Variants in GALC observed in about 807,000 individuals in gnomAD.
The protein encoded by GALC is galactosylceramidase.
GALC carries 77 observed loss-of-function variants against 91.8 expected under a neutral mutation model. The ratio of observed to expected loss-of-function variants is 0.84; its 90% CI spans 0.70 to 1.01. The LOEUF is 1.01. Ranked by LOEUF, GALC falls within the 50% of genes least tolerant of loss-of-function variation. The pLI is 0.00. For synonymous variants in GALC, 357 were observed against 306.7 expected (o/e 1.16, Z -1.71); for missense variants, 882 against 855.9 (o/e 1.03, Z -0.38).
intron 6 of GALC, among the ~76,000 whole-genome samples, chr14:87,977,032 TGGG>T (rs146514962): frequency 0.17 from 16,637 of 95,928 alleles, 1,416 homozygotes; most frequent in Non-Finnish European, 0.21. Flanking sequence ...CATAGAAATA[TGGG>T]GGGGGGGGGA....
intron 6 of GALC, 143 bp downstream of exon 6, chr14:87,982,062 T>C: frequency 2.0e-6 from 1 of 504,654 alleles, no homozygotes; most frequent in Non-Finnish European, 3.6e-6. Context: ...TTGAATTTTA[T>C]GTCACAACCA....
intron 6 of GALC, 40 bp downstream of exon 6, chr14:87,982,165 T>C: frequency 2.6e-6 from 3 of 1,173,948 alleles, no homozygotes; most frequent in Non-Finnish European, 2.5e-6. Context: ...AATTATTCAC[T>C]AAAAAGTTAA....
chr14:87,980,553 G>C (rs1886696560), intron 6 of GALC: 1 of 903,582 alleles, frequency 1.1e-6, no homozygotes, highest in Non-Finnish European at 1.3e-6. Context: ...CCTTAGCAAA[G>C]TGGAGAGTTC....
chr14:87,953,143 A>G, intron 10 of GALC: 2 of 1,476,056 alleles, frequency 1.4e-6, no homozygotes, highest in Non-Finnish European at 1.9e-6. Flanking sequence ...AACACAGTAG[A>G]TAAGCCAAGG....
At chr14:87,953,826 G>A in intron 10 of GALC, 31 of 1,609,358 alleles carry the variant, frequency 1.9e-5, no homozygotes, top group Non-Finnish European at 2.6e-5. Context: ...TGATTGTTTA[G>A]TCATGGTGCT....
chr14:87,980,774 T>C (rs1886706873), intron 6 of GALC: 1 of 152,204 alleles, frequency 6.6e-6, no homozygotes, highest in African/African-American at 2.4e-5. Context: ...AAAAATCCTT[T>C]TGGGCAGAAA....
chr14:87,940,413 T>C (rs1884786002), intron 15 of GALC, among the ~76,000 whole-genome samples: 1 of 151,922 alleles, frequency 6.6e-6, no homozygotes, highest in Non-Finnish European at 1.5e-5. Flanking sequence ...TAAGTTAATT[T>C]TTGGAATTAG....
intron 10 of GALC, among the ~76,000 whole-genome samples, chr14:87,955,915 T>C (rs1885518599): frequency 6.6e-6 from 1 of 151,610 alleles, no homozygotes; most frequent in Admixed American, 6.6e-5. Flanking sequence ...GTTCAGAGTA[T>C]GCCGAGTATT....
At chr14:87,962,571 G>T (rs1248015775) in intron 10 of GALC, among the ~76,000 whole-genome samples, 4 of 142,034 alleles carry the variant, frequency 2.8e-5, no homozygotes, top group Admixed American at 2.3e-4. Context: ...TTCAGAACCT[G>T]ATATGATACA....
chr14:87,982,308 G>A (rs1886784622), intron 5 of GALC, 65 bp from the exon 6 acceptor site: 14 of 1,033,634 alleles, frequency 1.4e-5, no homozygotes, highest in Admixed American at 8.6e-5. Context: ...GCAGATTATC[G>A]TTACGATACC....
chr14:87,992,892 G>A, intron 1 of GALC, 78 bp downstream of exon 1: 2 of 1,430,002 alleles, frequency 1.4e-6, no homozygotes, highest in East Asian at 2.8e-5. Flanking sequence ...GCAGGGCAAC[G>A]CCGCGGGGGC....
At chr14:87,987,539 CAAGT>C (rs1887025799) in intron 3 of GALC, among the ~76,000 whole-genome samples, 1 of 152,112 alleles carries the variant, frequency 6.6e-6, no homozygotes, top group African/African-American at 2.4e-5. Flanking sequence ...AGCAGGAATA[CAAGT>C]AATACTCTAG....
intron 5 of GALC, 102 bp downstream of exon 5, chr14:87,984,292 A>C: frequency 8.8e-7 from 1 of 1,136,726 alleles, no homozygotes; most frequent in African/African-American, 1.6e-5. Flanking sequence ...AATTAGCCTC[A>C]TGGCATAAAA....
At chr14:87,971,974 C>G (rs1886310181) in intron 7 of GALC, among the ~76,000 whole-genome samples, 1 of 151,974 alleles carries the variant, frequency 6.6e-6, no homozygotes, top group Admixed American at 6.6e-5. Context: ...AGAAACAGAC[C>G]CTAGAAAGTA....
At chr14:87,978,304 C>T (rs117099321) in intron 6 of GALC, among the ~76,000 whole-genome samples, 15,504 of 152,200 alleles carry the variant, frequency 0.1, 989 homozygotes, top group Non-Finnish European at 0.15. Context: ...GCCACTTTGG[C>T]TTCCCAAAGT....
chr14:87,945,745 G>A lies in GALC; in HGVS notation c.1490-12C>T, dbSNP rs1317409369. ...AAAAAATGGGTAATCTGTTCAGAAT[G>A]TAAGAAATTCTCTGTTTAGTATCAA... On this transcript the variant is annotated splice_polypyrimidine_tract_variant and intron_variant, in intron 13 of 16. Coordinates refer to ENST00000261304, the MANE Select transcript of GALC (RefSeq NM_000153.4). The A allele has an allele frequency of 6.3e-7, 1 of 1,598,578 alleles. No homozygotes were observed. The highest frequency in any genetic ancestry group is 8.6e-7 in the Non-Finnish European group (1 of 1,167,968).
intron 8 of GALC, 144 bp from the exon 9 acceptor site, chr14:87,965,773 T>C (rs1039666074): frequency 1.2e-6 from 1 of 821,640 alleles, no homozygotes; most frequent in South Asian, 1.7e-5. Flanking sequence ...TAAGAAAATA[T>C]AAGTTGTCTA....
chr14:87,940,818 G>A (rs1034964328), intron 15 of GALC, among the ~76,000 whole-genome samples: 27 of 151,914 alleles, frequency 1.8e-4, no homozygotes, highest in Admixed American at 1.6e-3. Context: ...CAAAGGAGTG[G>A]TGTGTATCAA....
chr14:87,976,417 C>A lies in GALC; in HGVS notation c.693G>T (p.Glu231Asp), dbSNP rs573698381. 7.4e-6 allele frequency: 12 copies of A among 1,613,722 alleles called. No individual in the cohort carries two copies. In the African/African-American group the frequency reaches 9.3e-5, roughly 13 times the overall value. ...VKIIASDNLWESISASMLLDA... is the reference protein window; with the variant it reads ...VKIIASDNLWDSISASMLLDA... Reference sequence around the variant, plus strand: ...CAAGGAGCATGGATGCAGAGATGGACTCCCAGAGATTATCACTTGCTATGA... The same window carrying A: ...CAAGGAGCATGGATGCAGAGATGGAATCCCAGAGATTATCACTTGCTATGA... Residue 231 changes from glutamate to aspartate, a missense_variant, in exon 7 of 17, where the codon GAG becomes GAT. Glu to Asp is a conservative substitution (Grantham distance 45, BLOSUM62 2). Transcript: ENST00000261304.
Sources: gnomAD v4.1 joint callset for allele counts (sites outside exome capture counted in the v4.1 genomes callset) on GRCh38, gnomAD v4.1.1 for gene constraint, MANE v1.5 for transcripts, NCBI Gene and HGNC (gene_info 2026-07-23, HGNC 2026-07-21) for gene names.